The following NEBL variants were observed in gnomAD, a reference collection of about 807,000 sequenced individuals.
NEBL encodes the protein LIM and SH3 protein 2.
Under a neutral mutation model 140.2 loss-of-function variants are expected in NEBL, and 122 were observed. The observed-to-expected ratio is 0.87, with a 90% CI of 0.75 to 1.01. The LOEUF (loss-of-function observed/expected upper bound fraction) is 1.01, where lower values mean the gene tolerates loss of function less well. NEBL is among the 50% of genes least tolerant of loss of function. NEBL has a pLI of 0.00. For synonymous variants in NEBL, 436 were observed against 398.9 expected, an observed-to-expected ratio of 1.09 and a Z score of -1.11; for missense variants, 1,365 against 1,231.3, an observed-to-expected ratio of 1.11 and a Z score of -1.62.
At chr10:21,110,025 T>G (rs1207431090) in intron 2 of NEBL, among the ~76,000 whole-genome samples, 1 of 152,142 alleles carries the variant, frequency 6.6e-6, no homozygotes, top group Non-Finnish European at 1.5e-5. Flanking sequence ...TTGAGCTTAG[T>G]TATATCTTGT....
At chr10:20,880,939 A>C (rs756994455) in intron 4 of NEBL, 35 bp from the exon 5 acceptor site, 3 of 1,545,550 alleles carry the variant, frequency 1.9e-6, no homozygotes, top group Non-Finnish European at 2.7e-6. Flanking sequence ...TCCCATTTAG[A>C]GGCATATAAA....
chr10:21,257,736 C>T lies in NEBL; in HGVS notation n.183-5908G>A, dbSNP rs148144795. On this transcript the variant is annotated intron_variant and non_coding_transcript_variant, in intron 1 of 8. Coordinates refer to the NEBL transcript ENST00000675702. ...CCATCTCTACTAAAAATACAAAAAA[C>T]TAGGTGGGTGTGGTGGCAGGCACCT... Among the ~76,000 whole-genome samples, 1,081 of 152,076 alleles carry T rather than the reference C, an allele frequency of 7.1e-3. 13 individuals are homozygous for T. The highest frequency in any genetic ancestry group is 0.024 in the African/African-American group (1,014 of 41,498).
intron 3 of NEBL, among the ~76,000 whole-genome samples, chr10:21,247,033 T>C (rs1218383755): frequency 6.6e-6 from 1 of 151,976 alleles, no homozygotes; most frequent in East Asian, 1.9e-4. Context: ...AGTTTAAAAG[T>C]GTGTAGCACC....
At chr10:21,123,461 A>G (rs1231778634) in intron 2 of NEBL, among the ~76,000 whole-genome samples, 2 of 152,336 alleles carry the variant, frequency 1.3e-5, no homozygotes, top group South Asian at 4.1e-4. Context: ...TACACTGAAG[A>G]TATCAGTAAA....
intron 2 of NEBL, among the ~76,000 whole-genome samples, chr10:21,098,339 T>C (rs1294148173): frequency 6.6e-6 from 1 of 152,218 alleles, no homozygotes; most frequent in African/African-American, 2.4e-5. Flanking sequence ...GATCAAACTA[T>C]GACTCTTTCC....
At chr10:21,017,844 A>C (rs900624272) in intron 3 of NEBL, among the ~76,000 whole-genome samples, 18 of 151,054 alleles carry the variant, frequency 1.2e-4, no homozygotes, top group African/African-American at 4.4e-4. Flanking sequence ...TTTTCCCCAA[A>C]ATAGAGTCTT....
In NEBL at chr10:20,897,311, T is replaced by C. The variant is rs1847601101; in HGVS notation, c.-106A>G. ...GACGTCTCTGGTGCTCTGGCAGAAA[T>C]GCCCTTGCCCAAGCCTCAGCCCTAT... On this transcript the variant is annotated 5_prime_UTR_variant, in exon 1 of 28. Transcript: ENST00000377122. 1.3e-6 allele frequency: 2 copies of C among 1,505,124 alleles called. No homozygotes were observed. Among genetic ancestry groups the C allele is most frequent in the Non-Finnish European group, 1.8e-6 (2 of 1,137,530 alleles). The allele number at this position is 1,505,124 out of a possible 1,614,324, so 93.2% of individuals were successfully genotyped here. A position where few individuals can be genotyped will look rare whatever the true frequency, so the allele number is the denominator to read the frequency against.
At chr10:21,228,456 T>C (rs1842202092) in intron 3 of NEBL, among the ~76,000 whole-genome samples, 1 of 152,122 alleles carries the variant, frequency 6.6e-6, no homozygotes, top group African/African-American at 2.4e-5. Flanking sequence ...GCCTGGCCAA[T>C]CCAAAGTTTT....
chr10:21,189,564 C>A (rs1841537816), intron 3 of NEBL, among the ~76,000 whole-genome samples: 2 of 152,206 alleles, frequency 1.3e-5, no homozygotes, highest in South Asian at 2.1e-4. Flanking sequence ...TCCCGGGTTC[C>A]CGCCAGTCTC....
At chr10:21,182,178 A>G (rs1188378419) in intron 3 of NEBL, among the ~76,000 whole-genome samples, 2 of 151,980 alleles carry the variant, frequency 1.3e-5, no homozygotes, top group East Asian at 3.9e-4. Context: ...TCCTTTTAAA[A>G]ATTCATTTTA....
At chr10:20,894,024 G>A (rs975379947) in intron 2 of NEBL, among the ~76,000 whole-genome samples, 12 of 152,140 alleles carry the variant, frequency 7.9e-5, no homozygotes, top group African/African-American at 1.9e-4. Flanking sequence ...TGCTCTACAC[G>A]TGATCTAGAC....
chr10:21,002,591 G>C (rs1837951592), intron 3 of NEBL, among the ~76,000 whole-genome samples: 1 of 152,202 alleles, frequency 6.6e-6, no homozygotes. Flanking sequence ...CAGTTCTGCA[G>C]GCTGTACAGG....
intron 2 of NEBL, among the ~76,000 whole-genome samples, chr10:21,064,247 A>G (rs1205005411): frequency 6.6e-6 from 1 of 152,366 alleles, no homozygotes; most frequent in African/African-American, 2.4e-5. Flanking sequence ...GAATTTTCTA[A>G]AAATACATAC....
chr10:21,193,496 C>G (rs554954234), intron 3 of NEBL, among the ~76,000 whole-genome samples: 15 of 152,282 alleles, frequency 9.9e-5, no homozygotes, highest in African/African-American at 3.6e-4. Flanking sequence ...GTTTTAAGGG[C>G]TACACTAGCT....
At chr10:21,127,695 G>A (rs968949) in intron 2 of NEBL, among the ~76,000 whole-genome samples, 2,322 of 152,260 alleles carry the variant, frequency 0.015, 31 homozygotes, top group African/African-American at 0.041. Context: ...CAGAATGTGG[G>A]ACATGCTATA....
intron 2 of NEBL, among the ~76,000 whole-genome samples, chr10:20,893,834 A>G (rs1323765968): frequency 1.3e-5 from 2 of 152,208 alleles, no homozygotes; most frequent in African/African-American, 4.8e-5. Context: ...AAAATAATTC[A>G]AACTATTATT....
At chr10:21,091,606 A>C (rs1448546842) in intron 2 of NEBL, among the ~76,000 whole-genome samples, 1 of 152,130 alleles carries the variant, frequency 6.6e-6, no homozygotes. Context: ...ATTCATGCTT[A>C]GATTGCTACT....
chr10:20,850,529 CA>C (rs1219474423), intron 10 of NEBL, 27 bp from the exon 11 acceptor site: 2 of 1,454,752 alleles, frequency 1.4e-6, no homozygotes, highest in African/African-American at 2.8e-5. Flanking sequence ...AAAGCATATA[CA>C]AATCGAAAGT....
intron 2 of NEBL, among the ~76,000 whole-genome samples, chr10:21,121,968 C>T (rs1838594227): frequency 6.6e-6 from 1 of 152,012 alleles, no homozygotes; most frequent in Admixed American, 6.6e-5. Context: ...CATACAAATA[C>T]ATTTTCAGGC....
Sources: allele counts gnomAD v4.1 joint callset (sites outside exome capture counted in the v4.1 genomes callset), GRCh38; gene constraint gnomAD v4.1.1; transcripts MANE v1.5; gene names NCBI Gene and HGNC (gene_info 2026-07-23, HGNC 2026-07-21).